Variants in DDB1 observed in about 807,000 individuals in gnomAD.
DDB1 encodes the protein damage specific DNA binding protein 1.
Under a neutral mutation model 133.1 loss-of-function variants are expected in DDB1, and 18 were observed. That is an observed-to-expected ratio of 0.14 (90% confidence interval 0.09 to 0.20). DDB1 has a LOEUF of 0.20. Among genes scored for constraint, DDB1 ranks in the 10% least tolerant of loss-of-function variants. The probability of loss-of-function intolerance (pLI) is 1.00; values close to 1 mark genes in which losing one functional copy is unlikely to be tolerated. For synonymous variants in DDB1, 580 were observed against 550.5 expected, an observed-to-expected ratio of 1.05 and a Z score of -0.75; for missense variants, 828 against 1,459.2, an observed-to-expected ratio of 0.57 and a Z score of 7.05.
intron 1 of DDB1, 87 bp from the exon 2 acceptor site, chr11:61,331,778 C>A (rs112977312): frequency 3.2e-6 from 5 of 1,543,736 alleles, no homozygotes; most frequent in African/African-American, 2.7e-5. Flanking sequence ...GTCTAAATAC[C>A]TCCAGAATTC....
intron 22 of DDB1, chr11:61,303,402 A>T: frequency 2.3e-6 from 1 of 428,194 alleles, no homozygotes; most frequent in East Asian, 4.9e-5. Context: ...AAAATACTTA[A>T]TCAGGGCCGG....
chr11:61,307,521 G>A (rs1192151749), intron 21 of DDB1, among the ~76,000 whole-genome samples: 1 of 152,144 alleles, frequency 6.6e-6, no homozygotes, highest in African/African-American at 2.4e-5. Context: ...TGTTTGGCTG[G>A]ATCTTCACCC....
chr11:61,317,186 T>C (rs1856102537), intron 10 of DDB1, among the ~76,000 whole-genome samples: 1 of 151,776 alleles, frequency 6.6e-6, no homozygotes, highest in African/African-American at 2.4e-5. Context: ...CGATCTCAGC[T>C]CACTGCAAGC....
At chr11:61,326,720 A>G in intron 5 of DDB1, 59 bp downstream of exon 5, 1 of 1,401,040 alleles carries the variant, frequency 7.1e-7, no homozygotes. Flanking sequence ...GGGAGCGAAC[A>G]AGAACAGGGA....
chr11:61,307,577 G>A (rs1324085579), intron 21 of DDB1, among the ~76,000 whole-genome samples: 1 of 152,202 alleles, frequency 6.6e-6, no homozygotes, highest in African/African-American at 2.4e-5. Context: ...TTCAGATCCT[G>A]TCTCTATGGG....
chr11:61,331,465 T>C (rs766983886), intron 2 of DDB1, 78 bp downstream of exon 2: 41 of 1,565,608 alleles, frequency 2.6e-5, no homozygotes, highest in Middle Eastern at 2.3e-4. Context: ...AGAAAATAAA[T>C]AAACAAACAA....
chr11:61,322,253 G>A, intron 9 of DDB1, 43 bp downstream of exon 9: 1 of 1,460,722 alleles, frequency 6.8e-7, no homozygotes. Flanking sequence ...GACACAGTTT[G>A]AGTGGGCATA....
chr11:61,326,905 A>C lies in DDB1; in HGVS notation c.550-12T>G, dbSNP rs200189082. 1.9e-6 allele frequency: 3 copies of C among 1,603,938 alleles called. No individual in the cohort carries two copies. The highest frequency in any genetic ancestry group is 2.7e-5 in the African/African-American group (2 of 74,668). On this transcript the variant is annotated splice_polypyrimidine_tract_variant and intron_variant, in intron 4 of 26. Transcript: ENST00000301764. The stretch of plus-strand genomic sequence containing the variant: ...CGCCCCTGAGGGTCCTGGGGGGGAA[A>C]GGTAAAATGGTTAGCCCTTAGGAAG...
chr11:61,321,029 C>T (rs1856169223), intron 10 of DDB1, among the ~76,000 whole-genome samples: 2 of 152,150 alleles, frequency 1.3e-5, no homozygotes, highest in African/African-American at 2.4e-5. Flanking sequence ...CAACCACAGG[C>T]ATGCACCATC....
intron 2 of DDB1, among the ~76,000 whole-genome samples, chr11:61,330,431 GGA>G (rs869153093): frequency 3.0e-4 from 1 of 3,344 alleles, no homozygotes; most frequent in African/African-American, 3.3e-4. Flanking sequence ...TGAAGAAAGA[GGA>G]AAAAAAATGT....
In DDB1 at chr11:61,322,427, C is replaced by G; in HGVS notation, c.1006-15G>C. The G allele has an allele frequency of 6.2e-7, 1 of 1,600,160 alleles. No homozygotes were observed. Among genetic ancestry groups the G allele is most frequent in the South Asian group, 1.1e-5 (1 of 90,820 alleles). On this transcript the variant is annotated splice_polypyrimidine_tract_variant and intron_variant, in intron 8 of 26. Coordinates refer to ENST00000301764, the MANE Select transcript of DDB1 (RefSeq NM_001923.5). Reference sequence around the variant, plus strand: ...TCAACGTTGAGCTAATAAGAAAGAACAATGTTATGTTAGTCCTAGAACACC... The same window carrying G: ...TCAACGTTGAGCTAATAAGAAAGAAGAATGTTATGTTAGTCCTAGAACACC...
At chr11:61,310,569 T>G in intron 18 of DDB1, 151 bp from the exon 19 acceptor site, 1 of 807,850 alleles carries the variant, frequency 1.2e-6, no homozygotes, top group Non-Finnish European at 1.8e-6. Flanking sequence ...AGGAGAGTGT[T>G]TCAGAGGAGG....
intron 2 of DDB1, among the ~76,000 whole-genome samples, chr11:61,330,527 G>C (rs1463193686): frequency 1.3e-5 from 2 of 152,158 alleles, no homozygotes; most frequent in African/African-American, 2.4e-5. Context: ...TTTGTTCAAA[G>C]GGTTATAATT....
At chr11:61,316,941 GGATAGATATATAT>G (rs1204397088) in intron 10 of DDB1, among the ~76,000 whole-genome samples, 1 of 19,354 alleles carries the variant, frequency 5.2e-5, no homozygotes, top group African/African-American at 4.7e-4. Flanking sequence ...AAAAAAAAAA[GGATAGATATATAT>G]ATATATATAT....
chr11:61,312,506 C>CTTTTT (rs954501705), intron 16 of DDB1, among the ~76,000 whole-genome samples: 3 of 120,046 alleles, frequency 2.5e-5, no homozygotes, highest in Admixed American at 8.2e-5. Context: ...CTCTCTCTCT[C>CTTTTT]TTTTTTTTTT....
In DDB1 at chr11:61,314,213, G is replaced by A. The variant is rs970959559; in HGVS notation, c.1590-3C>T. Reference sequence around the variant, plus strand: ...CTTCATGTTCCATCTCTGTGTGGCTGAACAAAGAAGAATATGGCAGAGGAA... The same window carrying A: ...CTTCATGTTCCATCTCTGTGTGGCTAAACAAAGAAGAATATGGCAGAGGAA... On this transcript the variant is annotated splice_polypyrimidine_tract_variant and splice_region_variant and intron_variant, in intron 13 of 26. Transcript: ENST00000301764. 1 of 1,597,130 alleles carries A rather than the reference G, an allele frequency of 6.3e-7. No individual in the cohort carries two copies. Among genetic ancestry groups the A allele is most frequent in the East Asian group, 2.2e-5 (1 of 44,748 alleles).
chr11:61,304,691 G>A (rs572598567), intron 21 of DDB1, among the ~76,000 whole-genome samples: 6 of 151,854 alleles, frequency 4.0e-5, no homozygotes, highest in East Asian at 1.9e-4. Flanking sequence ...TGGCTAACAC[G>A]GTGAAACCCC....
intron 6 of DDB1, among the ~76,000 whole-genome samples, chr11:61,325,335 G>C (rs1856251984): frequency 6.6e-6 from 1 of 152,120 alleles, no homozygotes; most frequent in African/African-American, 2.4e-5. Flanking sequence ...GACAGAGTAA[G>C]ACCCTGTCTC....
chr11:61,329,846 TCTC>T (rs767561171), intron 3 of DDB1, 109 bp downstream of exon 3: 41 of 962,104 alleles, frequency 4.3e-5, no homozygotes, highest in Non-Finnish European at 6.3e-5. Context: ...CATAGTGTCT[TCTC>T]CTTATTTCTC....
Sources: gnomAD v4.1 joint callset for allele counts (sites outside exome capture counted in the v4.1 genomes callset) on GRCh38, gnomAD v4.1.1 for gene constraint, MANE v1.5 for transcripts, NCBI Gene and HGNC (gene_info 2026-07-23, HGNC 2026-07-21) for gene names.